The following SLIT2 variants were observed in gnomAD, a reference collection of about 807,000 sequenced individuals.
SLIT2 encodes the protein slit guidance ligand 2.
Under a neutral mutation model 185.7 loss-of-function variants are expected in SLIT2, and 41 were observed. That is an observed-to-expected ratio of 0.22 (90% CI 0.17 to 0.29). SLIT2 has a LOEUF of 0.29. Ranked by LOEUF, SLIT2 falls within the 10% of genes least tolerant of loss-of-function variation. SLIT2 has a pLI of 1.00. For missense variants in SLIT2, 1,571 were observed against 1,909.0 expected (o/e 0.82, Z 3.30); for synonymous variants, 693 against 680.2 (o/e 1.02, Z -0.29).
At chr4:20,461,848 G>C (rs1276410106) in intron 4 of SLIT2, among the ~76,000 whole-genome samples, 1 of 152,166 alleles carries the variant, frequency 6.6e-6, no homozygotes, top group African/African-American at 2.4e-5. Flanking sequence ...TCTGGTACCA[G>C]TGTGGGAGAT....
At chr4:20,405,417 T>C (rs1433161032) in intron 4 of SLIT2, among the ~76,000 whole-genome samples, 2 of 151,992 alleles carry the variant, frequency 1.3e-5, no homozygotes, top group African/African-American at 4.8e-5. Flanking sequence ...ACAGAATTTG[T>C]ATTATGGGAG....
intron 4 of SLIT2, among the ~76,000 whole-genome samples, chr4:20,426,148 G>A (rs952136527): frequency 6.6e-6 from 1 of 152,122 alleles, no homozygotes; most frequent in Non-Finnish European, 1.5e-5. Context: ...CTAACACATG[G>A]CAGCTGACTT....
chr4:20,568,784 A>G (rs1725313606), intron 28 of SLIT2, 81 bp from the exon 29 acceptor site: 2 of 1,291,570 alleles, frequency 1.5e-6, no homozygotes, highest in Non-Finnish European at 2.2e-6. Flanking sequence ...GAGTGTAATT[A>G]TGCTTTTTTC....
At chr4:20,572,136 GGA>G (rs2148921085) in intron 29 of SLIT2, among the ~76,000 whole-genome samples, 1 of 152,244 alleles carries the variant, frequency 6.6e-6, no homozygotes, top group East Asian at 1.9e-4. Flanking sequence ...CCTGCTCCAG[GGA>G]TTGACAGCAT....
At chr4:20,527,174 T>C (rs1721369206) in intron 15 of SLIT2, among the ~76,000 whole-genome samples, 1 of 152,228 alleles carries the variant, frequency 6.6e-6, no homozygotes, top group Non-Finnish European at 1.5e-5. Flanking sequence ...TGATTGTCCT[T>C]GAGGATCTCC....
intron 10 of SLIT2, among the ~76,000 whole-genome samples, 194 bp from the exon 11 acceptor site, chr4:20,510,872 A>G (rs1029506447): frequency 1.3e-5 from 2 of 152,210 alleles, no homozygotes; most frequent in African/African-American, 4.8e-5. Context: ...CTTATATGGG[A>G]AAGTAGACAA....
intron 4 of SLIT2, among the ~76,000 whole-genome samples, chr4:20,391,513 C>A (rs759341858): frequency 6.6e-6 from 1 of 152,148 alleles, no homozygotes; most frequent in African/African-American, 2.4e-5. Flanking sequence ...GCCTTTATGG[C>A]TGATCCATTT....
chr4:20,296,697 C>G (rs1170344936), intron 4 of SLIT2, among the ~76,000 whole-genome samples: 1 of 152,178 alleles, frequency 6.6e-6, no homozygotes, highest in Non-Finnish European at 1.5e-5. Context: ...TTCTTTTACA[C>G]TGCCGCACCA....
chr4:20,387,131 G>GT (rs1724997743), intron 4 of SLIT2, among the ~76,000 whole-genome samples: 2 of 152,258 alleles, frequency 1.3e-5, no homozygotes, highest in African/African-American at 2.4e-5. Context: ...GCAGTGATGG[G>GT]TTTTTTCCAG....
intron 33 of SLIT2, among the ~76,000 whole-genome samples, chr4:20,606,039 A>G (rs920277049): frequency 1.8e-4 from 27 of 152,198 alleles, no homozygotes; most frequent in South Asian, 8.3e-4. Flanking sequence ...GTGAGCCACC[A>G]CGCCTGGCCC....
At chr4:20,462,146 A>ACC (rs772211748) in intron 4 of SLIT2, among the ~76,000 whole-genome samples, 70 of 152,018 alleles carry the variant, frequency 4.6e-4, no homozygotes, top group Non-Finnish European at 8.8e-4. Context: ...GGAAATTAAC[A>ACC]CCTTTCCTAT....
At chr4:20,380,503 G>A (rs187393627) in intron 4 of SLIT2, among the ~76,000 whole-genome samples, 6 of 152,112 alleles carry the variant, frequency 3.9e-5, no homozygotes, top group Admixed American at 3.3e-4. Context: ...AGACAAAGAT[G>A]ATAATTAGGT....
chr4:20,511,215 A>G, intron 11 of SLIT2, 78 bp downstream of exon 11: 1 of 788,808 alleles, frequency 1.3e-6, no homozygotes, highest in South Asian at 1.5e-5. Flanking sequence ...TGGGGTTTAA[A>G]AAATGCTCTC....
chr4:20,536,596 A>G (rs1450012565), intron 18 of SLIT2, among the ~76,000 whole-genome samples: 1 of 150,816 alleles, frequency 6.6e-6, no homozygotes, highest in Non-Finnish European at 1.5e-5. Flanking sequence ...CCACTGTACA[A>G]CTGTACACTT....
At chr4:20,518,557 G>GTGTGTGTGTATATATATA (rs1271279922) in intron 11 of SLIT2, among the ~76,000 whole-genome samples, 2 of 17,848 alleles carry the variant, frequency 1.1e-4, no homozygotes, top group African/African-American at 2.2e-4. Flanking sequence ...CAGCCTATAT[G>GTGTGTGTGTATATATATA]TATATATATA....
intron 4 of SLIT2, among the ~76,000 whole-genome samples, chr4:20,318,331 C>T (rs569126194): frequency 5.3e-5 from 8 of 152,122 alleles, no homozygotes; most frequent in Non-Finnish European, 8.8e-5. Context: ...AGACTTGGAG[C>T]GCACTTAGCT....
At chr4:20,270,556 G>A (rs967550186) in intron 4 of SLIT2, among the ~76,000 whole-genome samples, 4 of 151,926 alleles carry the variant, frequency 2.6e-5, no homozygotes, top group Admixed American at 6.6e-5. Context: ...AATTAAATGC[G>A]TGTTGGAAAA....
At chr4:20,538,508 T>G (rs985303022) in intron 18 of SLIT2, among the ~76,000 whole-genome samples, 1 of 152,246 alleles carries the variant, frequency 6.6e-6, no homozygotes, top group Non-Finnish European at 1.5e-5. Context: ...ACTTTGTTTC[T>G]TTATTTTTAC....
chr4:20,606,024 C>T (rs1728773730), intron 33 of SLIT2, among the ~76,000 whole-genome samples: 1 of 152,142 alleles, frequency 6.6e-6, no homozygotes, highest in Non-Finnish European at 1.5e-5. Flanking sequence ...GCTAGGATTA[C>T]AGGCGTGAGC....
Sources: allele counts gnomAD v4.1 joint callset (sites outside exome capture counted in the v4.1 genomes callset), GRCh38; gene constraint gnomAD v4.1.1; transcripts MANE v1.5; gene names NCBI Gene and HGNC (gene_info 2026-07-23, HGNC 2026-07-21).